DPP10: variants seen among roughly 807,000 people sequenced by gnomAD.
The protein encoded by DPP10 is inactive dipeptidyl peptidase 10.
DPP10 carries 33 observed loss-of-function variants against 120.9 expected under a neutral mutation model. That is an observed-to-expected ratio of 0.27 (90% CI 0.21 to 0.37). DPP10 has a LOEUF of 0.37. Among genes scored for constraint, DPP10 ranks in the 10% least tolerant of loss-of-function variants. DPP10 has a pLI of 1.00. For synonymous variants in DPP10, 337 were observed against 326.1 expected (o/e 1.03, Z -0.36); for missense variants, 816 against 942.8 (o/e 0.87, Z 1.76).
intron 1 of DPP10, among the ~76,000 whole-genome samples, chr2:114,514,758 C>G (rs1684449224): frequency 6.7e-6 from 1 of 148,938 alleles, no homozygotes; most frequent in Non-Finnish European, 1.5e-5. Context: ...TGGGAAAGAT[C>G]TTTTTTTTCT....
intron 8 of DPP10, among the ~76,000 whole-genome samples, 191 bp from the exon 9 acceptor site, chr2:115,739,548 C>A (rs1465030974): frequency 2.0e-5 from 3 of 152,030 alleles, no homozygotes; most frequent in Non-Finnish European, 4.4e-5. Context: ...TGTTTCCTTC[C>A]TCTACAGCTG....
At chr2:114,493,676 T>G (rs1355169730) in intron 1 of DPP10, among the ~76,000 whole-genome samples, 1 of 152,080 alleles carries the variant, frequency 6.6e-6, no homozygotes, top group Non-Finnish European at 1.5e-5. Flanking sequence ...ACATGGGAAA[T>G]GAATTATAAT....
intron 5 of DPP10, among the ~76,000 whole-genome samples, chr2:115,688,034 A>AAGAGAGAGAGAG (rs70941088): frequency 0.095 from 14,228 of 150,216 alleles, 725 homozygotes; most frequent in Non-Finnish European, 0.11. Context: ...GAGAGAGAAA[A>AAGAGAGAGAGAG]AGAGAGAGAG....
chr2:115,478,101 G>A (rs79398640), intron 3 of DPP10, among the ~76,000 whole-genome samples: 56 of 152,210 alleles, frequency 3.7e-4, no homozygotes, highest in Middle Eastern at 3.4e-3. Context: ...ATCCAGCCCC[G>A]CAATCTAGTC....
intron 1 of DPP10, among the ~76,000 whole-genome samples, chr2:114,948,998 CA>C: frequency 6.6e-6 from 1 of 151,868 alleles, no homozygotes; most frequent in South Asian, 2.1e-4. Flanking sequence ...AATCTCAGCT[CA>C]CTTCAACCTC....
intron 1 of DPP10, among the ~76,000 whole-genome samples, chr2:115,308,433 CA>C (rs1340415733): frequency 1.3e-5 from 2 of 151,926 alleles, no homozygotes; most frequent in South Asian, 2.1e-4. Flanking sequence ...AACTGTATTG[CA>C]AAAAAAGCTG....
At chr2:115,774,763 CAG>C (rs1475761058) in intron 13 of DPP10, among the ~76,000 whole-genome samples, 1 of 152,024 alleles carries the variant, frequency 6.6e-6, no homozygotes, top group African/African-American at 2.4e-5. Context: ...ACCAATAAGA[CAG>C]AAAATTTTTC....
At chr2:114,721,309 A>G (rs1399505825) in intron 1 of DPP10, among the ~76,000 whole-genome samples, 4 of 152,192 alleles carry the variant, frequency 2.6e-5, no homozygotes, top group Non-Finnish European at 2.9e-5. Context: ...GCATCCTTAT[A>G]AACAAAAGAT....
At position 114,762,710 on chromosome 2, in the gene DPP10, C is replaced by T. The variant is rs118154087; in HGVS notation, c.60+319872C>T. ...GCTATGAGGCAGCATCAGAAAAGAT[C>T]CATAACAACATTCTGAGCAGAGCCT... On this transcript the variant is annotated intron_variant, in intron 1 of 25. Transcript: ENST00000410059. Among the ~76,000 whole-genome samples the T allele has an allele frequency of 8.1e-4, 123 of 152,308 alleles. 3 individuals carry two copies. The East Asian group carries it at 0.022, about 27-fold the overall frequency.
Position 115,402,323 on chromosome 2 carries a change from G to T in DPP10, c.271+58411G>T, listed in dbSNP as rs367678973. On this transcript the variant is annotated intron_variant, in intron 3 of 25. Coordinates refer to ENST00000410059, the MANE Select transcript of DPP10 (RefSeq NM_020868.6). The stretch of plus-strand genomic sequence containing the variant: ...AAACATTGGGATTACAAGCAGGGGT[G>T]GACCACCTGGGGTCAGTTGGCAAAA... 2.6e-5 allele frequency among the ~76,000 whole-genome samples: 4 copies of T among 152,048 alleles called. No individual in the cohort carries two copies. In the South Asian group the frequency reaches 8.3e-4, roughly 31 times the overall value.
chr2:115,098,475 G>T (rs1274154821), intron 1 of DPP10, among the ~76,000 whole-genome samples: 1 of 151,998 alleles, frequency 6.6e-6, no homozygotes, highest in African/African-American at 2.4e-5. Context: ...AGGGTATATG[G>T]TATAGTCTAC....
At chr2:114,534,770 T>C (rs553245959) in intron 1 of DPP10, among the ~76,000 whole-genome samples, 59 of 152,240 alleles carry the variant, frequency 3.9e-4, no homozygotes, top group Admixed American at 7.2e-4. Flanking sequence ...TTTAGAGTCA[T>C]GGAGTTGAAG....
At chr2:114,612,460 T>G (rs777696522) in intron 1 of DPP10, among the ~76,000 whole-genome samples, 20 of 152,304 alleles carry the variant, frequency 1.3e-4, no homozygotes, top group Non-Finnish European at 2.6e-4. Context: ...TTTGAACGTT[T>G]GGTGCTTTTT....
intron 1 of DPP10, chr2:115,161,900 C>T (rs1030067573): frequency 4.1e-5 from 58 of 1,413,840 alleles, no homozygotes; most frequent in Admixed American, 8.8e-5. Context: ...TGCCAAGTGA[C>T]GGTCCCCGAG....
chr2:115,560,295 C>T (rs1438938742), intron 5 of DPP10, among the ~76,000 whole-genome samples: 3 of 135,146 alleles, frequency 2.2e-5, no homozygotes, highest in South Asian at 2.6e-4. Context: ...GGCGTGAACC[C>T]GGGAGGCAGA....
At chr2:115,565,835 G>T (rs1281166394) in intron 5 of DPP10, among the ~76,000 whole-genome samples, 1 of 149,468 alleles carries the variant, frequency 6.7e-6, no homozygotes, top group African/African-American at 2.5e-5. Context: ...ACCCAGGCTG[G>T]ATTGCAGCAG....
At chr2:115,769,449 A>T (rs556961498) in intron 13 of DPP10, among the ~76,000 whole-genome samples, 1 of 152,070 alleles carries the variant, frequency 6.6e-6, no homozygotes, top group Non-Finnish European at 1.5e-5. Context: ...TAAAATTTAA[A>T]ACTTGTTCAG....
intron 15 of DPP10, among the ~76,000 whole-genome samples, chr2:115,778,671 C>T (rs1487228819): frequency 6.6e-6 from 1 of 151,998 alleles, no homozygotes; most frequent in African/African-American, 2.4e-5. Flanking sequence ...TAATTCTTAC[C>T]GAGTAGTACT....
chr2:115,011,567 G>C (rs1205047716), intron 1 of DPP10, among the ~76,000 whole-genome samples: 2 of 151,908 alleles, frequency 1.3e-5, no homozygotes, highest in Non-Finnish European at 2.9e-5. Flanking sequence ...ACAGCTTTTT[G>C]TTGTTGTTGT....
Sources: gnomAD v4.1 joint callset for allele counts (sites outside exome capture counted in the v4.1 genomes callset) on GRCh38, gnomAD v4.1.1 for gene constraint, MANE v1.5 for transcripts, NCBI Gene and HGNC (gene_info 2026-07-23, HGNC 2026-07-21) for gene names.